Variants in PTPRK observed in about 807,000 individuals in gnomAD.
The protein encoded by PTPRK is protein tyrosine phosphatase receptor type K.
Under a neutral mutation model 178.0 loss-of-function variants are expected in PTPRK, and 75 were observed. That is an observed-to-expected ratio of 0.42 (90% confidence interval 0.35 to 0.51). The LOEUF is 0.51. Ranked by LOEUF, PTPRK falls within the 20% of genes least tolerant of loss-of-function variation. PTPRK has a pLI of 0.02. For synonymous variants in PTPRK, 637 were observed against 620.6 expected, an observed-to-expected ratio of 1.03 and a Z score of -0.39; for missense variants, 1,441 against 1,797.8, an observed-to-expected ratio of 0.80 and a Z score of 3.59.
intron 1 of PTPRK, among the ~76,000 whole-genome samples, chr6:128,489,482 G>C (rs1427675761): frequency 6.6e-6 from 1 of 152,108 alleles, no homozygotes; most frequent in African/African-American, 2.4e-5. Flanking sequence ...GCTCCGGCCT[G>C]AATCATGATA....
At chr6:128,441,372 C>A (rs1253365824) in intron 1 of PTPRK, among the ~76,000 whole-genome samples, 1 of 151,922 alleles carries the variant, frequency 6.6e-6, no homozygotes, top group African/African-American at 2.4e-5. Flanking sequence ...GTGGGGAGAA[C>A]ATTCTACTGG....
chr6:128,178,085 G>C (rs1801355309), intron 7 of PTPRK, among the ~76,000 whole-genome samples: 1 of 151,802 alleles, frequency 6.6e-6, no homozygotes, highest in African/African-American at 2.4e-5. Context: ...TTATGGATAA[G>C]GCCATGGCTT....
chr6:127,971,630 G>C (rs1773907827), intron 29 of PTPRK, among the ~76,000 whole-genome samples: 1 of 152,146 alleles, frequency 6.6e-6, no homozygotes, highest in African/African-American at 2.4e-5. Flanking sequence ...ACAAATCAGA[G>C]GGTGGGGTGT....
chr6:128,314,658 T>C (rs2128317788), intron 3 of PTPRK, among the ~76,000 whole-genome samples: 1 of 152,022 alleles, frequency 6.6e-6, no homozygotes, highest in African/African-American at 2.4e-5. Context: ...CTAGCTATCA[T>C]CCCATATTGC....
intron 1 of PTPRK, among the ~76,000 whole-genome samples, chr6:128,473,923 C>T (rs1351712712): frequency 6.6e-6 from 1 of 151,946 alleles, no homozygotes; most frequent in Admixed American, 6.6e-5. Flanking sequence ...AAAACAAAAA[C>T]AAAACCTGAC....
At chr6:128,122,144 A>C (rs1413506313) in intron 7 of PTPRK, among the ~76,000 whole-genome samples, 3 of 152,156 alleles carry the variant, frequency 2.0e-5, no homozygotes, top group Non-Finnish European at 4.4e-5. Flanking sequence ...GAGAAATGTT[A>C]CGTATGCTTG....
Position 127,998,742 on chromosome 6 carries a change from T to C in PTPRK, c.2657A>G (p.Tyr886Cys). 2 of 1,595,970 alleles carry C rather than the reference T, an allele frequency of 1.3e-6. No individual in the cohort carries two copies. The highest frequency in any genetic ancestry group is 2.3e-5 in the East Asian group (1 of 44,306). The change falls in exon 16 of 30, where the codon TAT becomes TGT. Residue 886 changes from tyrosine (Y) to cysteine (C), a missense_variant. Transcript: ENST00000368226. ...CACCTCATATTCCTCTTTGAACCCA[T>C]AGCTGTCTGATGTCTTCATGAGATT... ...HINLMKTSDSYGFKEEYESFF... is the reference protein window; with the variant it reads ...HINLMKTSDSCGFKEEYESFF...
chr6:127,977,808 A>C (rs993857930), intron 25 of PTPRK, among the ~76,000 whole-genome samples: 7 of 152,230 alleles, frequency 4.6e-5, no homozygotes, highest in Non-Finnish European at 1.0e-4. Context: ...ACAATATATT[A>C]TCTCTTTCCA....
At chr6:128,379,084 T>C (rs934121941) in intron 2 of PTPRK, among the ~76,000 whole-genome samples, 2 of 152,098 alleles carry the variant, frequency 1.3e-5, no homozygotes, top group African/African-American at 4.8e-5. Flanking sequence ...CTTCCTGATA[T>C]CTTTCTACTA....
intron 1 of PTPRK, among the ~76,000 whole-genome samples, chr6:128,483,294 T>C (rs898968284): frequency 1.3e-5 from 2 of 152,144 alleles, no homozygotes; most frequent in African/African-American, 4.8e-5. Flanking sequence ...TTTAATTCAA[T>C]AATACAATTC....
At chr6:128,360,701 T>C (rs931967582) in intron 2 of PTPRK, among the ~76,000 whole-genome samples, 3 of 151,968 alleles carry the variant, frequency 2.0e-5, no homozygotes, top group Non-Finnish European at 4.4e-5. Context: ...GATATGAGCA[T>C]CAATTAAACT....
chr6:128,231,545 C>T (rs982961780), intron 5 of PTPRK, among the ~76,000 whole-genome samples: 3 of 152,188 alleles, frequency 2.0e-5, no homozygotes, highest in African/African-American at 4.8e-5. Context: ...GTTGAAGGCA[C>T]CAACAGTTTT....
At chr6:128,428,892 G>A (rs1844492655) in intron 1 of PTPRK, among the ~76,000 whole-genome samples, 1 of 152,072 alleles carries the variant, frequency 6.6e-6, no homozygotes, top group African/African-American at 2.4e-5. Flanking sequence ...TTATAAATAG[G>A]CCTTGTGTCA....
intron 1 of PTPRK, chr6:128,491,981 T>C (rs1290765590): frequency 5.2e-6 from 2 of 385,398 alleles, no homozygotes; most frequent in Non-Finnish European, 1.1e-5. Flanking sequence ...CATAATCTTC[T>C]AATTGTGGAA....
chr6:128,058,717 T>A (rs1345380467), intron 13 of PTPRK, among the ~76,000 whole-genome samples: 2 of 151,970 alleles, frequency 1.3e-5, no homozygotes, highest in Admixed American at 6.6e-5. Context: ...ATTATTTTTT[T>A]AAAAAATTGT....
chr6:128,135,158 T>G (rs1794844234), intron 7 of PTPRK, among the ~76,000 whole-genome samples: 1 of 151,878 alleles, frequency 6.6e-6, no homozygotes, highest in Admixed American at 6.6e-5. Context: ...GACCCTAATA[T>G]ATCACCACAT....
intron 1 of PTPRK, among the ~76,000 whole-genome samples, chr6:128,494,818 C>T (rs1562638604): frequency 6.6e-6 from 1 of 152,188 alleles, no homozygotes; most frequent in African/African-American, 2.4e-5. Flanking sequence ...TACCTCCCTA[C>T]ATTTTACAAC....
At chr6:128,438,060 T>C (rs2128398821) in intron 1 of PTPRK, among the ~76,000 whole-genome samples, 1 of 152,348 alleles carries the variant, frequency 6.6e-6, no homozygotes, top group South Asian at 2.1e-4. Flanking sequence ...GTAATTTCAA[T>C]CACCATTTGG....
chr6:128,381,478 T>C (rs1409219277), intron 2 of PTPRK, among the ~76,000 whole-genome samples: 2 of 152,142 alleles, frequency 1.3e-5, no homozygotes, highest in African/African-American at 2.4e-5. Context: ...GTGCAATTTA[T>C]TCCTTGCTTT....
Sources: gnomAD v4.1 joint callset for allele counts (sites outside exome capture counted in the v4.1 genomes callset) on GRCh38, gnomAD v4.1.1 for gene constraint, MANE v1.5 for transcripts, NCBI Gene and HGNC (gene_info 2026-07-23, HGNC 2026-07-21) for gene names.